Variants in PLPPR2 observed in about 807,000 individuals in gnomAD.
PLPPR2 encodes phospholipid phosphatase-related protein type 2.
In PLPPR2, 11 loss-of-function variants were observed where a neutral mutation model predicts 40.3. The observed-to-expected ratio is 0.27, with a 90% CI of 0.17 to 0.45. PLPPR2 has a LOEUF of 0.45. Ranked by LOEUF, PLPPR2 falls within the 20% of genes least tolerant of loss-of-function variation. PLPPR2 has a pLI of 1.00. For synonymous variants in PLPPR2, 260 were observed against 290.8 expected, an observed-to-expected ratio of 0.89 and a Z score of 1.08; for missense variants, 497 against 640.7, an observed-to-expected ratio of 0.78 and a Z score of 2.42.
Position 11,365,415 on chromosome 19 carries a change from CCTGTGCCCAGGTCATCCCAAACCCTT to C in PLPPR2, c.*730_*755del, listed in dbSNP as rs1968164620. On this transcript the variant is annotated 3_prime_UTR_variant, in exon 10 of 10. Transcript: ENST00000688289. ...GTTCAGGGTGCTGTGTCTCCCCTTGCCTGTGCCCAGGTCATCCCAAACCCTTCTGTTATTTATTAGGGCTGTGGGAA... is the reference window on the plus strand; with the variant it reads ...GTTCAGGGTGCTGTGTCTCCCCTTGCCTGTTATTTATTAGGGCTGTGGGAA... The C allele has an allele frequency of 6.5e-6, 1 of 152,878 alleles. No homozygotes were observed. The highest frequency in any genetic ancestry group is 6.5e-5 in the Admixed American group (1 of 15,300). The allele number at this position is 152,878 out of a possible 1,614,324, so 9.5% of individuals were successfully genotyped here.
intron 5 of PLPPR2, among the ~76,000 whole-genome samples, chr19:11,360,202 G>T (rs1379737093): frequency 6.6e-6 from 1 of 151,690 alleles, no homozygotes; most frequent in African/African-American, 2.4e-5. Context: ...TGTGGCAGGT[G>T]CCTGTAATCC....
In PLPPR2 at chr19:11,361,511, TC is replaced by T; in HGVS notation, c.663+24del. 5.1e-6 allele frequency: 8 copies of T among 1,577,384 alleles called. No individual in the cohort carries two copies. The highest frequency in any genetic ancestry group is 6.9e-6 in the Non-Finnish European group (8 of 1,165,334). ...GCGGTGAGCTTCGGGAGCTTCGGGG[TC>T]GGAAATGGGTGTGCAGGCTGGACAG... On this transcript the variant is annotated intron_variant, in intron 6 of 9. Coordinates refer to ENST00000688289, the MANE Select transcript of PLPPR2 (RefSeq NM_001393892.1). The surrounding 1 kb of genome is among the most constrained non-coding windows in gnomAD (Gnocchi z 6.3).
chr19:11,362,451 G>A lies in PLPPR2; in HGVS notation c.664-62G>A. 1 of 1,590,930 alleles carries A rather than the reference G, an allele frequency of 6.3e-7. No individual in the cohort carries two copies. Among genetic ancestry groups the A allele is most frequent in the Non-Finnish European group, 8.5e-7 (1 of 1,170,352 alleles). On this transcript the variant is annotated intron_variant, in intron 6 of 9. Transcript: ENST00000688289. This position sits in a 1 kb window ranked among gnomAD's most constrained non-coding sequence, Gnocchi z 5.3. ...GCCATGCGCTCTAGCCCAGAAAGGA[G>A]CGTCCACTTGGGTTCGGCGACTTGC...
chr19:11,363,831 C>G lies in PLPPR2; in HGVS notation c.959C>G (p.Ala320Gly). 1 of 1,613,484 alleles carries G rather than the reference C, an allele frequency of 6.2e-7. No homozygotes were observed. The highest frequency in any genetic ancestry group is 8.5e-7 in the Non-Finnish European group (1 of 1,179,712). Residue 320 changes from alanine to glycine, a missense_variant, in exon 8 of 10, where the codon GCG becomes GGG. Physicochemically the swap from Ala to Gly is moderately conservative, Grantham distance 60. Transcript: ENST00000688289. The surrounding 1 kb of genome is among the most constrained non-coding windows in gnomAD (Gnocchi z 4.8). ...MDSPLEKLSV[A>G]QEPEVCRPHS... ...AGCCCCCTCGAAAAGTTAAGTGTGG[C>G]GCAGGTAAGGGGGGCCGGGGGCTGC...
At position 11,365,454 on chromosome 19, in the gene PLPPR2, A is replaced by G. The variant is rs1224556500; in HGVS notation, c.*764A>G. Reference sequence around the variant, plus strand: ...ATCCCAAACCCTTCTGTTATTTATTAGGGCTGTGGGAAGGGTTTTTCTTCT... The same window carrying G: ...ATCCCAAACCCTTCTGTTATTTATTGGGGCTGTGGGAAGGGTTTTTCTTCT... On this transcript the variant is annotated 3_prime_UTR_variant, in exon 10 of 10. Coordinates refer to ENST00000688289, the MANE Select transcript of PLPPR2 (RefSeq NM_001393892.1). 1.3e-5 allele frequency: 2 copies of G among 152,638 alleles called. No individual in the cohort carries two copies. The highest frequency in any genetic ancestry group is 2.4e-5 in the African/African-American group (1 of 41,430). The allele number at this position is 152,638 out of a possible 1,614,324, so 9.5% of individuals were successfully genotyped here.
In PLPPR2 at chr19:11,361,455, G is replaced by C. The variant is rs748672765; in HGVS notation, c.630G>C (p.Ala210=). 3 of 1,603,052 alleles carry C rather than the reference G, an allele frequency of 1.9e-6. No individual in the cohort carries two copies. In the African/African-American group the frequency reaches 4.0e-5, roughly 21 times the overall value. ...AARRAFPCKD[A]ALCAYAVTYT... Reference sequence around the variant, plus strand: ...GCCGCGCCTTCCCCTGCAAGGATGCGGCCCTCTGCGCCTACGCGGTCACCT... The same window carrying C: ...GCCGCGCCTTCCCCTGCAAGGATGCCGCCCTCTGCGCCTACGCGGTCACCT... Residue 210 remains alanine (A), a synonymous_variant, in exon 6 of 10, where the codon GCG becomes GCC. Transcript: ENST00000688289. This position sits in a 1 kb window ranked among gnomAD's most constrained non-coding sequence, Gnocchi z 6.3.
At position 11,365,143 on chromosome 19, in the gene PLPPR2, T is replaced by C. The variant is rs1229307167; in HGVS notation, c.*453T>C. ...AGTGGGTGGGCATGATTCCAGTCAA[T>C]GGGGGACCGCCCGTGTCTAAGCATG... On this transcript the variant is annotated 3_prime_UTR_variant, in exon 10 of 10. Transcript: ENST00000688289. 3 of 191,324 alleles carry C rather than the reference T, an allele frequency of 1.6e-5. No individual in the cohort carries two copies. The highest frequency in any genetic ancestry group is 2.4e-5 in the African/African-American group (1 of 41,932). The allele number at this position is 191,324 out of a possible 1,614,324, so 11.9% of individuals were successfully genotyped here.
Position 11,359,587 on chromosome 19 carries a change from C to T in PLPPR2, c.122C>T (p.Thr41Ile), listed in dbSNP as rs1967986449. Residue 41 changes from threonine to isoleucine, a missense_variant, in exon 4 of 10, where the codon ACC (threonine) becomes ATC (isoleucine). Physicochemically the swap from Thr to Ile is moderately conservative, Grantham distance 89. Coordinates refer to ENST00000688289, the MANE Select transcript of PLPPR2 (RefSeq NM_001393892.1). The surrounding 1 kb of genome is among the most constrained non-coding windows in gnomAD (Gnocchi z 5.6). ...GCTTACCGCCTGGAGTTCACGGACA[C>T]CTTCCCTGTGCACACCCAGGGATTC... The part of the protein sequence containing the change: ...LLAYRLEFTD[T>I]FPVHTQGFFC... 1 of 1,605,778 alleles carries T rather than the reference C, an allele frequency of 6.2e-7. No homozygotes were observed. Among genetic ancestry groups the T allele is most frequent in the African/African-American group, 1.3e-5 (1 of 74,898 alleles).
rs1968044188 is a variant in PLPPR2 at position 11,361,490 on chromosome 19, T to G, written c.663+2T>G. 6.3e-7 allele frequency: 1 copy of G among 1,592,696 alleles called. No homozygotes were observed. On this transcript the variant is annotated splice_donor_variant, in intron 6 of 9. Transcript: ENST00000688289. LOFTEE classifies it high-confidence loss of function. This position sits in a 1 kb window ranked among gnomAD's most constrained non-coding sequence, Gnocchi z 6.3. ...GCCTACGCGGTCACCTACACAGCGG[T>G]GAGCTTCGGGAGCTTCGGGGTCGGA...
intron 5 of PLPPR2, among the ~76,000 whole-genome samples, chr19:11,360,982 C>T (rs920489934): frequency 1.3e-5 from 2 of 151,904 alleles, no homozygotes; most frequent in Admixed American, 6.6e-5. Context: ...GAGGATCCGC[C>T]CCTGACATAG....
At chr19:11,357,035 G>A (rs541218417) in intron 2 of PLPPR2, 59 bp downstream of exon 2, 126 of 153,200 alleles carry the variant, frequency 8.2e-4, no homozygotes, top group Middle Eastern at 3.3e-3. Flanking sequence ...GCCCTAAAGC[G>A]CTGGGGACTG....
rs758235960 is a variant in PLPPR2 at position 11,361,325 on chromosome 19, C to T, written c.500C>T (p.Thr167Met). The stretch of plus-strand genomic sequence containing the variant: ...CTGTCCGTGTGCCGCCCCAACTACA[C>T]GGCCCTGGGCTGCCTGCCACCTTCT... ...HFLSVCRPNY[T>M]ALGCLPPSPD... Residue 167 changes from threonine (T) to methionine (M), a missense_variant, in exon 6 of 10, where the codon ACG becomes ATG. Physicochemically the swap from Thr to Met is moderately conservative, Grantham distance 81 (BLOSUM62 -1). Transcript: ENST00000688289. This position sits in a 1 kb window ranked among gnomAD's most constrained non-coding sequence, Gnocchi z 6.3. 4.3e-6 allele frequency: 7 copies of T among 1,613,614 alleles called. No homozygotes were observed.
At position 11,362,341 on chromosome 19, in the gene PLPPR2, G is replaced by C; in HGVS notation, c.664-172G>C. The C allele has an allele frequency of 1.9e-6, 1 of 529,276 alleles. No homozygotes were observed. Among genetic ancestry groups the C allele is most frequent in the East Asian group, 3.2e-5 (1 of 30,790 alleles). The allele number at this position is 529,276 out of a possible 1,614,324, so 32.8% of individuals were successfully genotyped here. ...CTGACCCCCCCCCCTTTGCCTTTTTGGTCACGCTCCCTGGAAAAGCCCACT... is the reference window on the plus strand; with the variant it reads ...CTGACCCCCCCCCCTTTGCCTTTTTCGTCACGCTCCCTGGAAAAGCCCACT... On this transcript the variant is annotated intron_variant, in intron 6 of 9. Transcript: ENST00000688289. This position sits in a 1 kb window ranked among gnomAD's most constrained non-coding sequence, Gnocchi z 5.3.
At position 11,359,003 on chromosome 19, in the gene PLPPR2, C is replaced by T. The variant is rs756897834; in HGVS notation, c.67-529C>T. On this transcript the variant is annotated intron_variant, in intron 3 of 9. Transcript: ENST00000688289. The surrounding 1 kb of genome is among the most constrained non-coding windows in gnomAD (Gnocchi z 5.6). ...GTGCTGGGATTACAAGCATGAGCCA[C>T]GTTTTAATTTTTTTTCTTTCTTTTT... is the stretch of plus-strand genomic sequence containing the variant. Among the ~76,000 whole-genome samples, 10 of 151,972 alleles carry T rather than the reference C, an allele frequency of 6.6e-5. No individual in the cohort carries two copies. Among genetic ancestry groups the T allele is most frequent in the Non-Finnish European group, 1.3e-4 (9 of 68,020 alleles).
At position 11,364,464 on chromosome 19, in the gene PLPPR2, C is replaced by T. The variant is rs1599409420; in HGVS notation, c.1133C>T (p.Pro378Leu). The part of the protein sequence containing the change: ...PRPRLRSEPT[P>L]LPLPLPLPAP... ...CCTCGATTGAGGTCTGAGCCGACGC[C>T]CTTGCCCCTGCCCCTACCCCTGCCA... Residue 378 changes from proline to leucine, a missense_variant, in exon 10 of 10, where the codon CCC becomes CTC. Transcript: ENST00000688289. This position sits in a 1 kb window ranked among gnomAD's most constrained non-coding sequence, Gnocchi z 5.8. 2.0e-5 allele frequency: 31 copies of T among 1,513,900 alleles called. No individual in the cohort carries two copies. The highest frequency in any genetic ancestry group is 2.7e-5 in the Non-Finnish European group (31 of 1,137,504). 93.8% of individuals were successfully genotyped at this position (1,513,900 alleles called of 1,614,324 possible).
At position 11,361,811 on chromosome 19, in the gene PLPPR2, A is replaced by T. The variant is rs1030938226; in HGVS notation, c.663+323A>T. Among the ~76,000 whole-genome samples, 1 of 152,128 alleles carries T rather than the reference A, an allele frequency of 6.6e-6. No homozygotes were observed. Among genetic ancestry groups the T allele is most frequent in the Non-Finnish European group, 1.5e-5 (1 of 68,014 alleles). On this transcript the variant is annotated intron_variant, in intron 6 of 9. Transcript: ENST00000688289. This position sits in a 1 kb window ranked among gnomAD's most constrained non-coding sequence, Gnocchi z 6.3. ...GATGTGCAAGACTCGGAACCCCTAT[A>T]GCCTAGCCAGGCCCCCAGGATGCTA...
Position 11,357,670 on chromosome 19 carries a change from C to T in PLPPR2, c.-4C>T. ...TCCCCACCTCTGCAGGCCTGGCCTT[C>T]ACCATGGCGGGAGGGAGACCGCATC... On this transcript the variant is annotated 5_prime_UTR_variant, in exon 3 of 10. Coordinates refer to ENST00000688289, the MANE Select transcript of PLPPR2 (RefSeq NM_001393892.1). The T allele has an allele frequency of 6.2e-7, 1 of 1,605,244 alleles. No homozygotes were observed. The highest frequency in any genetic ancestry group is 8.5e-7 in the Non-Finnish European group (1 of 1,175,474).
Position 11,364,846 on chromosome 19 carries a change from CCT to C in PLPPR2, c.*161_*162del. 2.5e-6 allele frequency: 2 copies of C among 798,250 alleles called. No homozygotes were observed. The highest frequency in any genetic ancestry group is 4.0e-6 in the Non-Finnish European group (2 of 504,522). The allele number at this position is 798,250 out of a possible 1,614,324, so 49.4% of individuals were successfully genotyped here. A position where few individuals can be genotyped will look rare whatever the true frequency, so the allele number is the denominator to read the frequency against. Reference sequence around the variant, plus strand: ...TAGAAGGACATTTAGGAGACATCTGCCTCTCTGGCCCTCTGAGATATCCCGAT... The same window carrying C: ...TAGAAGGACATTTAGGAGACATCTGCCTCTGGCCCTCTGAGATATCCCGAT... On this transcript the variant is annotated 3_prime_UTR_variant, in exon 10 of 10. Transcript: ENST00000688289. This position sits in a 1 kb window ranked among gnomAD's most constrained non-coding sequence, Gnocchi z 5.8.
rs757929946 is a variant in PLPPR2, at chr19:11,357,734, G to A, written c.61G>A (p.Val21Met). ...SFSIIPCFVF[V>M]ESVLLGIVIL... ...CTCCATCATCCCCTGCTTTGTCTTCGTGGAGGTGAGGACCCCCGTACCTCT... is the reference window on the plus strand; with the variant it reads ...CTCCATCATCCCCTGCTTTGTCTTCATGGAGGTGAGGACCCCCGTACCTCT... Residue 21 changes from valine (V) to methionine (M), a missense_variant, in exon 3 of 10, where the codon GTG (valine) becomes ATG (methionine). Physicochemically the swap from Val to Met is conservative, Grantham distance 21. Coordinates refer to ENST00000688289, the MANE Select transcript of PLPPR2 (RefSeq NM_001393892.1). 3.7e-6 allele frequency: 6 copies of A among 1,605,196 alleles called. No homozygotes were observed. Among genetic ancestry groups the A allele is most frequent in the African/African-American group, 1.3e-5 (1 of 74,668 alleles).
Sources: allele counts gnomAD v4.1 joint callset (sites outside exome capture counted in the v4.1 genomes callset), GRCh38; gene constraint gnomAD v4.1.1; non-coding constraint Gnocchi (gnomAD v3.1); transcripts MANE v1.5; gene names NCBI Gene and HGNC (gene_info 2026-07-23, HGNC 2026-07-21).